ZNF184: variants seen among roughly 807,000 people sequenced by gnomAD.
The protein encoded by ZNF184 is zinc finger protein 184 (Kruppel-like).
In ZNF184, 16 loss-of-function variants were observed where a neutral mutation model predicts 54.4. That is an observed-to-expected ratio of 0.29 (90% CI 0.20 to 0.45). The LOEUF (loss-of-function observed/expected upper bound fraction) is 0.45, where lower values mean the gene tolerates loss of function less well. ZNF184 is among the 20% of genes least tolerant of loss of function. The probability of loss-of-function intolerance (pLI) is 1.00; values close to 1 mark genes in which losing one functional copy is unlikely to be tolerated. For missense variants in ZNF184, 681 were observed against 888.2 expected (o/e 0.77, Z 2.97); for synonymous variants, 254 against 295.3 (o/e 0.86, Z 1.43).
chr6:27,456,787 G>A (rs9468132), intron 5 of ZNF184, 39 bp downstream of exon 5: 41,945 of 1,536,158 alleles, frequency 0.027, 676 homozygotes, highest in Middle Eastern at 0.036. Flanking sequence ...GCTGACAGTC[G>A]GAGTTAATGA....
downstream of ZNF184, among the ~76,000 whole-genome samples, chr6:27,448,774 T>C (rs1762666925): frequency 6.6e-6 from 1 of 151,134 alleles, no homozygotes. Context: ...CTTTTTTTTT[T>C]TCCCCCATAT....
At chr6:27,459,952 C>T (rs1295392678) in intron 3 of ZNF184, among the ~76,000 whole-genome samples, 1 of 152,084 alleles carries the variant, frequency 6.6e-6, no homozygotes, top group East Asian at 1.9e-4. Context: ...TGCTTGAGCC[C>T]AAGAGTTCAA....
chr6:27,425,727 A>C, the ZNF184 span, among the ~76,000 whole-genome samples: 1 of 152,210 alleles, frequency 6.6e-6, no homozygotes, highest in African/African-American at 2.4e-5. Context: ...TCACTGCTCA[A>C]ATGAATTTTC....
the ZNF184 span, among the ~76,000 whole-genome samples, chr6:27,408,291 G>A: frequency 6.6e-6 from 1 of 152,348 alleles, no homozygotes; most frequent in South Asian, 2.1e-4. Flanking sequence ...GAGCTTCACT[G>A]TAGTAGAATA....
At chr6:27,445,572 AC>A in the ZNF184 span, among the ~76,000 whole-genome samples, 2 of 152,188 alleles carry the variant, frequency 1.3e-5, no homozygotes, top group African/African-American at 4.8e-5. Context: ...CTCCCTTGCC[AC>A]ATGATGCCTT....
At chr6:27,465,863 G>C (rs1237592514) in intron 3 of ZNF184, among the ~76,000 whole-genome samples, 12 of 84,804 alleles carry the variant, frequency 1.4e-4, no homozygotes, top group Admixed American at 5.1e-4. Context: ...GGATATAAAA[G>C]ACTTGAACAC....
chr6:27,464,252 T>A (rs1763068951), intron 3 of ZNF184, among the ~76,000 whole-genome samples: 1 of 152,264 alleles, frequency 6.6e-6, no homozygotes, highest in Non-Finnish European at 1.5e-5. Flanking sequence ...ATTTTCTTAT[T>A]ACTTAAATCT....
At chr6:27,425,184 A>G in the ZNF184 span, among the ~76,000 whole-genome samples, 4 of 152,156 alleles carry the variant, frequency 2.6e-5, no homozygotes, top group Admixed American at 1.3e-4. Context: ...GCCGCGCGCA[A>G]CCCTGGTTCC....
chr6:27,423,712 T>C, the ZNF184 span, among the ~76,000 whole-genome samples: 22 of 151,636 alleles, frequency 1.5e-4, no homozygotes, highest in African/African-American at 4.8e-4. Flanking sequence ...TTTTACAATT[T>C]AGATATTTAT....
chr6:27,470,796 C>T (rs191700544), intron 2 of ZNF184, among the ~76,000 whole-genome samples: 161 of 152,166 alleles, frequency 1.1e-3, no homozygotes, highest in African/African-American at 3.7e-3. Flanking sequence ...GGAACAGAGG[C>T]TCAGTAAAGT....
At chr6:27,458,309 A>C (rs201217560) in intron 3 of ZNF184, among the ~76,000 whole-genome samples, 21 of 142,582 alleles carry the variant, frequency 1.5e-4, no homozygotes, top group South Asian at 1.2e-3. Flanking sequence ...AAAAAAAAAA[A>C]AAAAAAAAAA....
chr6:27,463,058 TA>T (rs755524386), intron 3 of ZNF184, among the ~76,000 whole-genome samples: 161 of 56,700 alleles, frequency 2.8e-3, no homozygotes, highest in Admixed American at 0.011. Flanking sequence ...GAAAGACATT[TA>T]AAAAAAAAAA....
chr6:27,454,212 C>G (rs1762799834), intron 5 of ZNF184, among the ~76,000 whole-genome samples: 1 of 152,126 alleles, frequency 6.6e-6, no homozygotes, highest in Non-Finnish European at 1.5e-5. Context: ...CAGGAGTTTA[C>G]AGCAGACCCC....
At chr6:27,471,177 G>T (rs1221383397) in intron 2 of ZNF184, among the ~76,000 whole-genome samples, 1 of 152,160 alleles carries the variant, frequency 6.6e-6, no homozygotes, top group Non-Finnish European at 1.5e-5. Context: ...TCCTTACCCT[G>T]ATCTGTTCAA....
At chr6:27,409,454 G>A in the ZNF184 span, among the ~76,000 whole-genome samples, 7 of 134,526 alleles carry the variant, frequency 5.2e-5, no homozygotes, top group African/African-American at 1.4e-4. Flanking sequence ...AGCCGAGATC[G>A]CACCACTGCA....
At chr6:27,415,011 T>C in the ZNF184 span, among the ~76,000 whole-genome samples, 26 of 152,226 alleles carry the variant, frequency 1.7e-4, no homozygotes, top group Non-Finnish European at 2.8e-4. Context: ...GTTAAAAGTA[T>C]CTTCCCTTCC....
downstream of ZNF184, among the ~76,000 whole-genome samples, chr6:27,447,829 T>G (rs543946343): frequency 2.6e-5 from 4 of 152,318 alleles, no homozygotes; most frequent in South Asian, 8.3e-4. Flanking sequence ...TGTCTGGCCC[T>G]TTTTTCTGTC....
intron 3 of ZNF184, among the ~76,000 whole-genome samples, chr6:27,457,963 A>T (rs1762902105): frequency 1.3e-5 from 2 of 152,306 alleles, no homozygotes; most frequent in Middle Eastern, 3.4e-3. Flanking sequence ...GTTAAAAGTT[A>T]GTTAAATTAA....
chr6:27,456,754 G>A (rs1301202309), intron 5 of ZNF184, 72 bp downstream of exon 5: 1 of 1,293,324 alleles, frequency 7.7e-7, no homozygotes, highest in East Asian at 2.3e-5. Context: ...CTACACTTCA[G>A]ACATAAAATC....
Sources: allele counts gnomAD v4.1 joint callset (sites outside exome capture counted in the v4.1 genomes callset), GRCh38; gene constraint gnomAD v4.1.1; transcripts MANE v1.5; gene names NCBI Gene and HGNC (gene_info 2026-07-23, HGNC 2026-07-21).